PAK1: variants seen among roughly 807,000 people sequenced by gnomAD.
The protein encoded by PAK1 is p21 (RAC1) activated kinase 1.
A neutral mutation model predicts 67.4 loss-of-function variants in PAK1; 29 were observed. The ratio of observed to expected loss-of-function variants is 0.43; its 90% CI spans 0.32 to 0.59. PAK1 has a LOEUF of 0.59. Among genes scored for constraint, PAK1 ranks in the 20% least tolerant of loss-of-function variants. The pLI is 0.07. For synonymous variants in PAK1, 223 were observed against 237.4 expected, an observed-to-expected ratio of 0.94 and a Z score of 0.56; for missense variants, 337 against 670.7, an observed-to-expected ratio of 0.50 and a Z score of 5.50.
At chr11:77,495,089 G>A in the PAK1 span, among the ~76,000 whole-genome samples, 1 of 151,996 alleles carries the variant, frequency 6.6e-6, no homozygotes, top group East Asian at 1.9e-4. Flanking sequence ...TTGAACCTGG[G>A]AGGTGGAGTT....
chr11:77,495,439 A>G, the PAK1 span, among the ~76,000 whole-genome samples: 1 of 152,152 alleles, frequency 6.6e-6, no homozygotes. Flanking sequence ...GCACAACTGC[A>G]CTCCAGCCTG....
intron 11 of PAK1, 42 bp from the exon 12 acceptor site, chr11:77,337,465 C>T (rs1409720266): frequency 8.1e-6 from 8 of 991,630 alleles, no homozygotes; most frequent in East Asian, 2.4e-5. Context: ...AAAGGACATA[C>T]ATATAATACA....
In PAK1 at chr11:77,337,368, TTGATGTCTCTGTGAATGACC is replaced by T; in HGVS notation, c.1152_1171del (p.Val385GlufsTer2). 1 of 1,611,872 alleles carries T rather than the reference TTGATGTCTCTGTGAATGACC, an allele frequency of 6.2e-7. No homozygotes were observed. Among genetic ancestry groups the T allele is most frequent in the Non-Finnish European group, 8.5e-7 (1 of 1,178,122 alleles). On this transcript the variant is annotated frameshift_variant, in exon 12 of 15. Transcript: ENST00000356341. LOFTEE classifies it high-confidence loss of function. ...CATTCCCAACAGAATATTGTCACTC[TTGATGTCTCTGTGAATGACC>T]TGGTTCGAATGCAAGAACTCCAGAG...
chr11:77,528,093 C>T, the PAK1 span, among the ~76,000 whole-genome samples: 1 of 152,034 alleles, frequency 6.6e-6, no homozygotes, highest in African/African-American at 2.4e-5. Flanking sequence ...TCAAGCAATC[C>T]TACAGTCATG....
intron 14 of PAK1, among the ~76,000 whole-genome samples, chr11:77,325,968 T>C (rs968050740): frequency 2.0e-5 from 3 of 152,128 alleles, no homozygotes; most frequent in African/African-American, 7.2e-5. Context: ...TATAATCCAA[T>C]AGGAAAGAGA....
rs565037520 is a variant in PAK1 at position 77,347,994 on chromosome 11, G to A, written c.885+1245C>T. Among the ~76,000 whole-genome samples the A allele has an allele frequency of 3.7e-3, 569 of 152,184 alleles. 9 individuals carry two copies. Among genetic ancestry groups the A allele is most frequent in the African/African-American group, 0.013 (556 of 41,538 alleles). The stretch of plus-strand genomic sequence containing the variant: ...TTGGATTCTCACATCAAAGAATAAT[G>A]AATAAATCCTTAACCATAATAATGA... On this transcript the variant is annotated intron_variant, in intron 9 of 14. Coordinates refer to ENST00000356341, the MANE Select transcript of PAK1 (RefSeq NM_002576.5).
chr11:77,499,820 C>T, the PAK1 span, among the ~76,000 whole-genome samples: 1 of 152,138 alleles, frequency 6.6e-6, no homozygotes, highest in Non-Finnish European at 1.5e-5. Context: ...CATACACACA[C>T]AGAGCAGTAG....
chr11:77,436,956 A>C (rs1565702344), intron 1 of PAK1, among the ~76,000 whole-genome samples: 2 of 152,206 alleles, frequency 1.3e-5, no homozygotes, highest in Non-Finnish European at 2.9e-5. Flanking sequence ...ATTTTACACA[A>C]GCCTCTTTCT....
intron 1 of PAK1, among the ~76,000 whole-genome samples, chr11:77,403,044 G>A (rs1952931051): frequency 6.6e-6 from 1 of 152,096 alleles, no homozygotes; most frequent in Non-Finnish European, 1.5e-5. Flanking sequence ...AAAGAAATCT[G>A]GCTATGCCCT....
chr11:77,358,851 A>G (rs1433838888), intron 6 of PAK1, 47 bp downstream of exon 6: 1 of 1,603,926 alleles, frequency 6.2e-7, no homozygotes, highest in Admixed American at 1.7e-5. Flanking sequence ...CCCTCTCCCC[A>G]CTTACTCTAA....
the PAK1 span, among the ~76,000 whole-genome samples, chr11:77,483,018 G>A: frequency 1.3e-5 from 2 of 152,116 alleles, no homozygotes; most frequent in Non-Finnish European, 2.9e-5. Context: ...CCAATAGGGT[G>A]AAACCTTGTC....
the PAK1 span, among the ~76,000 whole-genome samples, chr11:77,488,601 ATAACT>A: frequency 6.6e-6 from 1 of 152,122 alleles, no homozygotes; most frequent in Non-Finnish European, 1.5e-5. Flanking sequence ...AGAGATTGAA[ATAACT>A]TAAAAGTGTC....
chr11:77,428,869 C>T (rs1182794321), intron 1 of PAK1, among the ~76,000 whole-genome samples: 1 of 151,308 alleles, frequency 6.6e-6, no homozygotes, highest in Non-Finnish European at 1.5e-5. Context: ...GAAGAGCACC[C>T]TGCTATAGGG....
rs556891112 is a variant in PAK1, at chr11:77,356,601, T to C, written c.598-759A>G. On this transcript the variant is annotated intron_variant, in intron 6 of 14. Coordinates refer to ENST00000356341, the MANE Select transcript of PAK1 (RefSeq NM_002576.5). ...TAATAATGATAACTATCTTTTGGGG[T>C]TGCTGTAGGAGTAAACTGATTAATA... Among the ~76,000 whole-genome samples, 3 of 152,296 alleles carry C rather than the reference T, an allele frequency of 2.0e-5. No homozygotes were observed. In the East Asian group the frequency reaches 5.8e-4, roughly 29 times the overall value.
intron 6 of PAK1, among the ~76,000 whole-genome samples, chr11:77,357,938 C>A (rs1168234911): frequency 6.6e-6 from 1 of 152,000 alleles, no homozygotes; most frequent in African/African-American, 2.4e-5. Context: ...CCAAAAAAAA[C>A]CATATCAGTG....
chr11:77,418,964 A>G (rs978052702), intron 1 of PAK1, among the ~76,000 whole-genome samples: 2 of 152,242 alleles, frequency 1.3e-5, no homozygotes, highest in African/African-American at 4.8e-5. Flanking sequence ...AGAACCACTA[A>G]TATCTTCAGC....
intron 1 of PAK1, among the ~76,000 whole-genome samples, chr11:77,400,487 C>T (rs1388867201): frequency 6.6e-6 from 1 of 152,100 alleles, no homozygotes; most frequent in Non-Finnish European, 1.5e-5. Flanking sequence ...GAGGAGGAGA[C>T]CATCTGCTAC....
upstream of PAK1, among the ~76,000 whole-genome samples, chr11:77,478,359 T>C (rs946754488): frequency 1.3e-5 from 2 of 152,216 alleles, no homozygotes; most frequent in Admixed American, 6.5e-5. Context: ...TTCTTTGAGC[T>C]CTTCCTTGCT....
the PAK1 span, among the ~76,000 whole-genome samples, chr11:77,517,371 C>G: frequency 6.6e-6 from 1 of 152,234 alleles, no homozygotes; most frequent in African/African-American, 2.4e-5. Context: ...GTCTGCCCCA[C>G]TGTGTAAAAA....
Sources: allele counts gnomAD v4.1 joint callset (sites outside exome capture counted in the v4.1 genomes callset), GRCh38; gene constraint gnomAD v4.1.1; transcripts MANE v1.5; gene names NCBI Gene and HGNC (gene_info 2026-07-23, HGNC 2026-07-21).